Variants in CTNND2 observed in about 807,000 individuals in gnomAD.
The protein encoded by CTNND2 is catenin delta-2.
CTNND2 carries 22 observed loss-of-function variants against 144.4 expected under a neutral mutation model. That is an observed-to-expected ratio of 0.15 (90% confidence interval 0.11 to 0.22). CTNND2 has a LOEUF of 0.22. Ranked by LOEUF, CTNND2 falls within the 10% of genes least tolerant of loss-of-function variation. CTNND2 has a pLI of 1.00. For missense variants in CTNND2, 1,353 were observed against 1,618.8 expected (o/e 0.84, Z 2.82); for synonymous variants, 751 against 695.6 (o/e 1.08, Z -1.25).
chr5:11,516,339 A>G (rs1772165594), intron 3 of CTNND2, among the ~76,000 whole-genome samples: 2 of 151,538 alleles, frequency 1.3e-5, no homozygotes, highest in African/African-American at 4.8e-5. Flanking sequence ...ATTAGGCAAA[A>G]TAAATAAATA....
intron 16 of CTNND2, among the ~76,000 whole-genome samples, chr5:11,066,273 C>T (rs535540715): frequency 2.0e-5 from 3 of 152,308 alleles, no homozygotes; most frequent in Non-Finnish European, 2.9e-5. Flanking sequence ...CTCTTGACCT[C>T]GTTATCCACC....
chr5:11,744,936 A>G (rs1381129207), intron 1 of CTNND2, among the ~76,000 whole-genome samples: 1 of 151,848 alleles, frequency 6.6e-6, no homozygotes, highest in Non-Finnish European at 1.5e-5. Context: ...GGGTTTCACC[A>G]TGTTGCCCAG....
chr5:10,992,659 G>A lies in CTNND2; in HGVS notation c.3103C>T (p.His1035Tyr). The A allele has an allele frequency of 6.2e-7, 1 of 1,614,112 alleles. No individual in the cohort carries two copies. Among genetic ancestry groups the A allele is most frequent in the African/African-American group, 1.3e-5 (1 of 75,060 alleles). Residue 1035 changes from histidine to tyrosine, a missense_variant, in exon 19 of 22, where the codon CAC (histidine) becomes TAC (tyrosine). Transcript: ENST00000304623. ...ATGGTTGAAGACGAGGCTACAAAGT[G>A]GTATTGTGACCATCCATCCTGCAAA... Reference protein sequence around the residue: ...LYKKDGWSQYHFVASSSTIER... With the variant: ...LYKKDGWSQYYFVASSSTIER...
In CTNND2 at chr5:11,467,338, C is replaced by T. The variant is rs563844749; in HGVS notation, c.288-55269G>A. Among the ~76,000 whole-genome samples, 32 of 152,350 alleles carry T rather than the reference C, an allele frequency of 2.1e-4. No individual in the cohort carries two copies. The East Asian group carries it at 4.1e-3, about 19-fold the overall frequency. On this transcript the variant is annotated intron_variant, in intron 3 of 21. Coordinates refer to ENST00000304623, the MANE Select transcript of CTNND2 (RefSeq NM_001332.4). ...TGGTTTCTGCTCGTCCTGGTTGTAT[C>T]TGGAATGGGTTGGCCCTGAGATGCT...
Position 11,624,999 on chromosome 5 carries a change from CA to C in CTNND2, c.175-59944del, listed in dbSNP as rs568521423. ...ACAAAAATCCATTGACAACAACAAC[CA>C]AAAAAAAACAAAGTATTTTTGAAAA... On this transcript the variant is annotated intron_variant, in intron 2 of 21. Transcript: ENST00000304623. Among the ~76,000 whole-genome samples, 13 of 147,672 alleles carry C rather than the reference CA, an allele frequency of 8.8e-5. No individual in the cohort carries two copies. The East Asian group carries it at 2.0e-3, about 23-fold the overall frequency.
At chr5:11,684,209 C>A (rs1311247399) in intron 2 of CTNND2, among the ~76,000 whole-genome samples, 5 of 151,788 alleles carry the variant, frequency 3.3e-5, no homozygotes, top group Admixed American at 2.0e-4. Context: ...TCATGCCATT[C>A]TCCTGCCTCA....
chr5:11,875,397 A>T (rs1735486653), intron 1 of CTNND2, among the ~76,000 whole-genome samples: 1 of 152,198 alleles, frequency 6.6e-6, no homozygotes, highest in African/African-American at 2.4e-5. Flanking sequence ...TGGGAAAGAA[A>T]ACTGCTGCCC....
At chr5:11,472,926 T>C (rs1349906472) in intron 3 of CTNND2, among the ~76,000 whole-genome samples, 1 of 152,004 alleles carries the variant, frequency 6.6e-6, no homozygotes, top group Non-Finnish European at 1.5e-5. Flanking sequence ...TTCAAAAAAT[T>C]ATTTGGGCAT....
chr5:11,096,912 T>G (rs1751412265), intron 15 of CTNND2, among the ~76,000 whole-genome samples: 1 of 152,112 alleles, frequency 6.6e-6, no homozygotes, highest in Admixed American at 6.5e-5. Context: ...CAGAGCCCAT[T>G]TTCCTGTACC....
At chr5:11,668,255 T>A (rs1196676647) in intron 2 of CTNND2, among the ~76,000 whole-genome samples, 7 of 152,240 alleles carry the variant, frequency 4.6e-5, no homozygotes, top group Admixed American at 2.6e-4. Context: ...GGGCTCTTTT[T>A]TGGTTCCATA....
intron 8 of CTNND2, among the ~76,000 whole-genome samples, chr5:11,350,521 G>C (rs1755223349): frequency 6.6e-6 from 1 of 152,134 alleles, no homozygotes; most frequent in Non-Finnish European, 1.5e-5. Context: ...ATCATGTGTA[G>C]TTTCAGCCTT....
intron 16 of CTNND2, among the ~76,000 whole-genome samples, chr5:11,045,251 A>G (rs919334387): frequency 2.0e-5 from 3 of 152,210 alleles, no homozygotes; most frequent in African/African-American, 4.8e-5. Flanking sequence ...CAGGCTGTAC[A>G]TAAAGCATGG....
At chr5:11,378,153 G>T (rs959842127) in intron 7 of CTNND2, among the ~76,000 whole-genome samples, 15 of 152,208 alleles carry the variant, frequency 9.9e-5, no homozygotes, top group African/African-American at 3.6e-4. Context: ...TGCTTTGTTG[G>T]TGGAAGCAGG....
intron 9 of CTNND2, among the ~76,000 whole-genome samples, chr5:11,337,077 CA>C (rs1753809195): frequency 6.6e-6 from 1 of 152,298 alleles, no homozygotes; most frequent in African/African-American, 2.4e-5. Flanking sequence ...ACTAGACCCA[CA>C]AAATCTTCCT....
At position 11,564,888 on chromosome 5, in the gene CTNND2, G is replaced by A. The variant is rs546481930; in HGVS notation, c.287+56C>T. On this transcript the variant is annotated intron_variant, in intron 3 of 21. Coordinates refer to ENST00000304623, the MANE Select transcript of CTNND2 (RefSeq NM_001332.4). ...GGGTTGGAAAGAAGAGAAACATCACGATTTACTTGCAGGGGCAACTCAAAG... is the reference window on the plus strand; with the variant it reads ...GGGTTGGAAAGAAGAGAAACATCACAATTTACTTGCAGGGGCAACTCAAAG... 112 of 1,214,912 alleles carry A rather than the reference G, an allele frequency of 9.2e-5. 1 individual carries two copies. The African/African-American group carries it at 1.4e-3, about 15-fold the overall frequency. The allele number at this position is 1,214,912 out of a possible 1,614,324, so 75.3% of individuals were successfully genotyped here.
chr5:10,980,615 T>G (rs1438840693), intron 21 of CTNND2, among the ~76,000 whole-genome samples: 2 of 77,088 alleles, frequency 2.6e-5, no homozygotes, highest in African/African-American at 7.5e-5. Flanking sequence ...ATTGTGGCAC[T>G]CTATTCACAA....
chr5:11,384,407 A>AGAGAGAAGAGAG lies in CTNND2; in HGVS notation c.1177+246_1177+257dup. On this transcript the variant is annotated intron_variant, in intron 7 of 21. Coordinates refer to ENST00000304623, the MANE Select transcript of CTNND2 (RefSeq NM_001332.4). This position sits in a 1 kb window ranked among gnomAD's most constrained non-coding sequence, Gnocchi z 5.2. Reference sequence around the variant, plus strand: ...AGTCTTTAGGCTGGGGAGAGGGCAGAGAGAGAAGAGAGGAGAGAAGAGAGT... The same window carrying AGAGAGAAGAGAG: ...AGTCTTTAGGCTGGGGAGAGGGCAGAGAGAGAAGAGAGGAGAGAAGAGAGGAGAGAAGAGAGT... 3.9e-6 allele frequency: 2 copies of AGAGAGAAGAGAG among 514,488 alleles called. No individual in the cohort carries two copies. The highest frequency in any genetic ancestry group is 6.8e-6 in the Non-Finnish European group (2 of 292,496). The allele number at this position is 514,488 out of a possible 1,614,324, so 31.9% of individuals were successfully genotyped here.
At chr5:11,609,453 A>G (rs1780212676) in intron 2 of CTNND2, among the ~76,000 whole-genome samples, 1 of 152,142 alleles carries the variant, frequency 6.6e-6, no homozygotes, top group Non-Finnish European at 1.5e-5. Context: ...GTGACTCTCA[A>G]TGGACCCTCT....
chr5:11,507,734 G>C (rs1354883517), intron 3 of CTNND2, among the ~76,000 whole-genome samples: 1 of 152,196 alleles, frequency 6.6e-6, no homozygotes, highest in African/African-American at 2.4e-5. Context: ...CCTGGAGTTG[G>C]AGGACAAGTG....
Sources: allele counts gnomAD v4.1 joint callset (sites outside exome capture counted in the v4.1 genomes callset), GRCh38; gene constraint gnomAD v4.1.1; non-coding constraint Gnocchi (gnomAD v3.1); transcripts MANE v1.5; gene names NCBI Gene and HGNC (gene_info 2026-07-23, HGNC 2026-07-21).